The following DNAI3 variants were observed in gnomAD, a reference collection of about 807,000 sequenced individuals.
The protein encoded by DNAI3 is WD repeat domain 63.
A neutral mutation model predicts 115.5 loss-of-function variants in DNAI3; 83 were observed. The ratio of observed to expected loss-of-function variants is 0.72; its 90% CI spans 0.60 to 0.86. DNAI3 has a LOEUF of 0.86. Among genes scored for constraint, DNAI3 ranks in the 40% least tolerant of loss-of-function variants. The probability of loss-of-function intolerance (pLI) is 0.00; values close to 1 mark genes in which losing one functional copy is unlikely to be tolerated. For missense variants in DNAI3, 1,004 were observed against 1,075.8 expected (o/e 0.93, Z 0.93); for synonymous variants, 320 against 347.0 (o/e 0.92, Z 0.86).
chr1:85,091,904 G>A (rs982695759), intron 8 of DNAI3, among the ~76,000 whole-genome samples: 4 of 152,110 alleles, frequency 2.6e-5, no homozygotes, highest in Non-Finnish European at 4.4e-5. Flanking sequence ...TGGCTAAGGA[G>A]GTAGAATCAG....
intron 14 of DNAI3, among the ~76,000 whole-genome samples, chr1:85,105,359 T>C (rs1210021213): frequency 6.6e-6 from 1 of 151,954 alleles, no homozygotes; most frequent in African/African-American, 2.4e-5. Context: ...AATAAGCTTA[T>C]TGGAAATAAA....
rs982938028 is a variant in DNAI3 at position 85,128,780 on chromosome 1, G to A, written c.2390G>A (p.Ser797Asn). Residue 797 changes from serine (S) to asparagine (N), a missense_variant, in exon 21 of 23, where the codon AGT becomes AAT. Physicochemically the swap from Ser to Asn is conservative, Grantham distance 46. Coordinates refer to ENST00000294664, the MANE Select transcript of DNAI3 (RefSeq NM_145172.5). Reference protein sequence around the residue: ...LHILEIPWTLSRPSTNEMASV... With the variant: ...LHILEIPWTLNRPSTNEMASV... Reference sequence around the variant, plus strand: ...ATATTAGAAATTCCTTGGACATTAAGTCGCCCTTCCACCAATGAGGTTAGT... The same window carrying A: ...ATATTAGAAATTCCTTGGACATTAAATCGCCCTTCCACCAATGAGGTTAGT... 6.8e-6 allele frequency: 11 copies of A among 1,613,226 alleles called. No homozygotes were observed. In the African/African-American group the frequency reaches 1.5e-4, roughly 22 times the overall value.
intron 16 of DNAI3, among the ~76,000 whole-genome samples, chr1:85,115,532 A>G (rs746491796): frequency 3.3e-5 from 5 of 152,354 alleles, no homozygotes; most frequent in Non-Finnish European, 7.3e-5. Context: ...ATGACCTATG[A>G]GGATGATTTT....
chr1:85,101,622 A>G (rs990496023), intron 13 of DNAI3, among the ~76,000 whole-genome samples: 13 of 146,576 alleles, frequency 8.9e-5, no homozygotes, highest in African/African-American at 3.0e-4. Context: ...CAGCTACTCC[A>G]GAGGCTGAGG....
intron 6 of DNAI3, 87 bp from the exon 7 acceptor site, chr1:85,085,744 G>T (rs926973325): frequency 1.4e-5 from 15 of 1,107,262 alleles, no homozygotes; most frequent in Non-Finnish European, 1.8e-5. Context: ...TGCACAAAGG[G>T]CTCTGAGTGG....
intron 13 of DNAI3, among the ~76,000 whole-genome samples, chr1:85,100,327 C>A (rs538296250): frequency 2.6e-5 from 4 of 152,192 alleles, no homozygotes; most frequent in African/African-American, 4.8e-5. Flanking sequence ...TGAACAGACA[C>A]TTCTCAAAAG....
intron 1 of DNAI3, among the ~76,000 whole-genome samples, chr1:85,064,923 C>G (rs1220423106): frequency 6.6e-6 from 1 of 152,012 alleles, no homozygotes; most frequent in African/African-American, 2.4e-5. Context: ...ATCCCAGCTA[C>G]TTGGGAGGCT....
At chr1:85,066,417 C>T (rs564393082) in intron 1 of DNAI3, among the ~76,000 whole-genome samples, 2 of 148,992 alleles carry the variant, frequency 1.3e-5, no homozygotes, top group Non-Finnish European at 3.0e-5. Context: ...CCGTCTGCCT[C>T]CTGAGTTCAC....
chr1:85,082,582 C>T (rs114680204), intron 5 of DNAI3, among the ~76,000 whole-genome samples, 178 bp downstream of exon 5: 218 of 152,240 alleles, frequency 1.4e-3, no homozygotes, highest in African/African-American at 5.1e-3. Flanking sequence ...GTAGCTGAGA[C>T]TACAGGCGTG....
intron 11 of DNAI3, 81 bp downstream of exon 11, chr1:85,096,101 C>A (rs1655114572): frequency 6.2e-6 from 8 of 1,291,286 alleles, no homozygotes; most frequent in Admixed American, 3.5e-5. Flanking sequence ...GTTCCTTGGA[C>A]TTAAGGATTC....
rs1165992064 is a variant in DNAI3 at position 85,133,126 on chromosome 1, C to G, written c.*128C>G. On this transcript the variant is annotated 3_prime_UTR_variant, in exon 23 of 23. Coordinates refer to ENST00000294664, the MANE Select transcript of DNAI3 (RefSeq NM_145172.5). Reference sequence around the variant, plus strand: ...GACTTTTATTTCCCTGCTATTAAAACTTTTGAATTTTAGCAATGAGATCTA... The same window carrying G: ...GACTTTTATTTCCCTGCTATTAAAAGTTTTGAATTTTAGCAATGAGATCTA... 3 of 1,148,058 alleles carry G rather than the reference C, an allele frequency of 2.6e-6. No homozygotes were observed. Among genetic ancestry groups the G allele is most frequent in the Admixed American group, 2.9e-5 (1 of 34,488 alleles). 71.1% of individuals were successfully genotyped at this position (1,148,058 alleles called of 1,614,324 possible). A position where few individuals can be genotyped will look rare whatever the true frequency, so the allele number is the denominator to read the frequency against.
In DNAI3 at chr1:85,097,580, GGATATC is replaced by G; in HGVS notation, c.1276_1281del (p.Asp426_Ile427del). ...TATTTCCATTTTAGATTGTCATGTG[GGATATC>G]ACCGCACATGCAGATCGCATAGAAA... On this transcript the variant is annotated inframe_deletion, in exon 12 of 23. Coordinates refer to ENST00000294664, the MANE Select transcript of DNAI3 (RefSeq NM_145172.5). 6.2e-7 allele frequency: 1 copy of G among 1,610,038 alleles called. No individual in the cohort carries two copies. The highest frequency in any genetic ancestry group is 8.5e-7 in the Non-Finnish European group (1 of 1,178,686).
intron 1 of DNAI3, among the ~76,000 whole-genome samples, chr1:85,069,881 G>T (rs1003094302): frequency 6.6e-6 from 1 of 152,166 alleles, no homozygotes; most frequent in Non-Finnish European, 1.5e-5. Context: ...ACATTTGACA[G>T]TCTAAAGAGT....
chr1:85,110,060 AAGG>A lies in DNAI3; in HGVS notation c.1712_1714del (p.Lys571_Gly572delinsSer). On this transcript the variant is annotated inframe_deletion, in exon 16 of 23. Transcript: ENST00000294664. Reference sequence around the variant, plus strand: ...GTTCTCCCAAAAGGTAAGGCTGTCCAAGGGTGAAACAAGTTTAGACCACTGTCC... The same window carrying A: ...GTTCTCCCAAAAGGTAAGGCTGTCCAGTGAAACAAGTTTAGACCACTGTCC... 1 of 1,613,794 alleles carries A rather than the reference AAGG, an allele frequency of 6.2e-7. No homozygotes were observed. Among genetic ancestry groups the A allele is most frequent in the Non-Finnish European group, 8.5e-7 (1 of 1,179,816 alleles).
intron 6 of DNAI3, 152 bp from the exon 7 acceptor site, chr1:85,085,679 C>T (rs1478774031): frequency 6.1e-6 from 4 of 656,640 alleles, no homozygotes; most frequent in Non-Finnish European, 7.9e-6. Context: ...AGAGGAGGAG[C>T]GGGTGCTGCT....
intron 18 of DNAI3, among the ~76,000 whole-genome samples, chr1:85,122,338 C>G (rs911871080): frequency 1.4e-4 from 21 of 152,230 alleles, no homozygotes; most frequent in African/African-American, 4.8e-4. Context: ...CTGCTGCTCC[C>G]AGGACCTGGG....
At chr1:85,075,611 ACTGAGATCCCTTT>A (rs1281278112) in intron 3 of DNAI3, among the ~76,000 whole-genome samples, 1 of 152,102 alleles carries the variant, frequency 6.6e-6, no homozygotes, top group African/African-American at 2.4e-5. Flanking sequence ...GCTCCAAGAA[ACTGAGATCCCTTT>A]TTCTAACAAG....
chr1:85,116,096 C>T (rs986509214), intron 16 of DNAI3, among the ~76,000 whole-genome samples: 1 of 152,188 alleles, frequency 6.6e-6, no homozygotes, highest in Non-Finnish European at 1.5e-5. Flanking sequence ...GCCATCTACT[C>T]ATGAATGTAC....
Position 85,097,668 on chromosome 1 carries a change from C to G in DNAI3, c.1350+13C>G, listed in dbSNP as rs768294730. The G allele has an allele frequency of 6.3e-7, 1 of 1,597,734 alleles. No homozygotes were observed. The highest frequency in any genetic ancestry group is 8.5e-7 in the Non-Finnish European group (1 of 1,173,168). On this transcript the variant is annotated intron_variant, in intron 12 of 22. Coordinates refer to ENST00000294664, the MANE Select transcript of DNAI3 (RefSeq NM_145172.5). ...AGCCACACTGAAGGTAAGCTTTTTA[C>G]AACATTTCACTTGCAAGTTTTTTCC... is the stretch of plus-strand genomic sequence containing the variant.
Sources: gnomAD v4.1 joint callset for allele counts (sites outside exome capture counted in the v4.1 genomes callset) on GRCh38, gnomAD v4.1.1 for gene constraint, MANE v1.5 for transcripts, NCBI Gene and HGNC (gene_info 2026-07-23, HGNC 2026-07-21) for gene names.